GABRB3: variants seen among roughly 807,000 people sequenced by gnomAD.
GABRB3 encodes gamma-aminobutyric acid receptor subunit beta-3.
In GABRB3, 14 loss-of-function variants were observed where a neutral mutation model predicts 52.1. The ratio of observed to expected loss-of-function variants is 0.27; its 90% confidence interval spans 0.18 to 0.42. The LOEUF is 0.42. GABRB3 is among the 10% of genes least tolerant of loss of function. The pLI is 1.00. For synonymous variants in GABRB3, 260 were observed against 232.3 expected (o/e 1.12, Z -1.08); for missense variants, 307 against 609.1 (o/e 0.50, Z 5.22).
At chr15:26,668,743 A>G (rs1887795628) in intron 3 of GABRB3, among the ~76,000 whole-genome samples, 1 of 152,224 alleles carries the variant, frequency 6.6e-6, no homozygotes, top group Non-Finnish European at 1.5e-5. Flanking sequence ...TGACTATAAC[A>G]TCTGAGGAAG....
rs371341373 is a variant in GABRB3, at chr15:26,685,799, C to CTTT, written c.241-64268_241-64266dup. On this transcript the variant is annotated intron_variant, in intron 3 of 8. Transcript: ENST00000311550. ...GGACTGATCTCAGTAGTAAGATGGT[C>CTTT]TTTTTTTTTTTTTTTTTGCCCTAGA... is the stretch of plus-strand genomic sequence containing the variant. 4.3e-4 allele frequency among the ~76,000 whole-genome samples: 56 copies of CTTT among 131,190 alleles called. 1 individual carries two copies. The highest frequency in any genetic ancestry group is 4.1e-3 in the South Asian group (16 of 3,942). The allele number at this position is 131,190 out of a possible 152,430, so 86.1% of individuals were successfully genotyped here.
At chr15:26,591,050 A>G (rs1230716887) in intron 4 of GABRB3, among the ~76,000 whole-genome samples, 1 of 152,164 alleles carries the variant, frequency 6.6e-6, no homozygotes, top group African/African-American at 2.4e-5. Context: ...AGCAGGACTG[A>G]GGTGACCATT....
intron 4 of GABRB3, among the ~76,000 whole-genome samples, chr15:26,591,710 G>C (rs772524675): frequency 1.3e-5 from 2 of 152,156 alleles, no homozygotes; most frequent in Non-Finnish European, 2.9e-5. Flanking sequence ...AAAGTACTTT[G>C]AGTCACTCCA....
chr15:26,550,934 G>A (rs1889439820), intron 8 of GABRB3, among the ~76,000 whole-genome samples: 1 of 152,176 alleles, frequency 6.6e-6, no homozygotes, highest in Non-Finnish European at 1.5e-5. Context: ...TTTGCATTGT[G>A]CCTCAAAGAA....
intron 3 of GABRB3, among the ~76,000 whole-genome samples, chr15:26,746,589 T>G (rs1007716290): frequency 5.9e-5 from 9 of 151,994 alleles, no homozygotes; most frequent in Admixed American, 1.3e-4. Context: ...TTTGTTTTTT[T>G]TTTTTTTTGG....
chr15:26,721,395 G>T (rs1335915249), intron 3 of GABRB3, among the ~76,000 whole-genome samples: 1 of 151,904 alleles, frequency 6.6e-6, no homozygotes, highest in Admixed American at 6.6e-5. Flanking sequence ...CTCATCAATG[G>T]AGAGGCGCCC....
At chr15:26,681,303 CTAAATGCCTA>C in intron 3 of GABRB3, among the ~76,000 whole-genome samples, 1 of 152,268 alleles carries the variant, frequency 6.6e-6, no homozygotes, top group East Asian at 1.9e-4. Context: ...ATGCAAGTTT[CTAAATGCCTA>C]TTACTTTCCC....
At chr15:26,730,904 T>C (rs58000352) in intron 3 of GABRB3, among the ~76,000 whole-genome samples, 30,693 of 152,174 alleles carry the variant, frequency 0.2, 4,789 homozygotes, top group African/African-American at 0.43. Context: ...CTCACACATA[T>C]GCAGCACTTA....
chr15:26,578,154 T>C (rs1341940954), intron 6 of GABRB3, among the ~76,000 whole-genome samples: 1 of 152,246 alleles, frequency 6.6e-6, no homozygotes, highest in Non-Finnish European at 1.5e-5. Flanking sequence ...ACTAGTCACA[T>C]TCTTATTAAT....
chr15:26,615,658 T>C, intron 4 of GABRB3: 1 of 751,934 alleles, frequency 1.3e-6, no homozygotes, highest in Non-Finnish European at 1.7e-6. Flanking sequence ...GGACAGCTCA[T>C]CTACAGCCAA....
chr15:26,609,097 CACACAT>C (rs779919700), intron 4 of GABRB3, among the ~76,000 whole-genome samples: 878 of 56,390 alleles, frequency 0.016, 2 homozygotes, highest in East Asian at 0.059. Flanking sequence ...CACACACACA[CACACAT>C]ACACACACAC....
intron 6 of GABRB3, among the ~76,000 whole-genome samples, chr15:26,573,210 G>C (rs779257090): frequency 4.1e-4 from 63 of 152,222 alleles, no homozygotes; most frequent in Admixed American, 2.0e-3. Context: ...CTCTCACTTA[G>C]AGCCGTTCTG....
At chr15:26,744,319 C>A (rs970968296) in intron 3 of GABRB3, among the ~76,000 whole-genome samples, 4 of 152,080 alleles carry the variant, frequency 2.6e-5, no homozygotes, top group African/African-American at 9.7e-5. Flanking sequence ...AACTCCCATG[C>A]CTTTTGGTTT....
chr15:26,697,592 C>G (rs1171128117), intron 3 of GABRB3, among the ~76,000 whole-genome samples: 1 of 152,126 alleles, frequency 6.6e-6, no homozygotes, highest in African/African-American at 2.4e-5. Context: ...ATATGCCAGT[C>G]CATACCCACA....
Position 26,772,942 on chromosome 15 carries a change from T to C in GABRB3, c.21A>G (p.Gly7=). MWGLAG[G]RLFGIFSAPV... The stretch of plus-strand genomic sequence containing the variant: ...GGGCCGAGAAGATGCCGAAAAGCCT[T>C]CCTCCCGCAAGGCCCCACATCCCTC... The change falls in exon 1 of 9, where the codon GGA becomes GGG. Residue 7 remains glycine (G), a synonymous_variant. Coordinates refer to ENST00000311550, the MANE Select transcript of GABRB3 (RefSeq NM_000814.6). The C allele has an allele frequency of 1.4e-6, 2 of 1,477,880 alleles. No homozygotes were observed. The highest frequency in any genetic ancestry group is 1.8e-6 in the Non-Finnish European group (2 of 1,112,008). 91.5% of individuals were successfully genotyped at this position (1,477,880 alleles called of 1,614,324 possible).
At chr15:26,742,946 T>TTTTC (rs1890247980) in intron 3 of GABRB3, among the ~76,000 whole-genome samples, 1 of 134,498 alleles carries the variant, frequency 7.4e-6, no homozygotes, top group African/African-American at 2.6e-5. Context: ...TTTTTTTTTT[T>TTTTC]TGAGACAGAG....
chr15:26,604,684 G>A (rs1891713493), intron 4 of GABRB3, among the ~76,000 whole-genome samples: 1 of 152,048 alleles, frequency 6.6e-6, no homozygotes, highest in Non-Finnish European at 1.5e-5. Context: ...TCTCTTCAAT[G>A]TATGGTCCTG....
At chr15:26,580,230 T>A in intron 6 of GABRB3, 89 bp downstream of exon 6, 1 of 1,476,980 alleles carries the variant, frequency 6.8e-7, no homozygotes. Flanking sequence ...GATCCTGTGC[T>A]GTGAGTCTAT....
intron 3 of GABRB3, among the ~76,000 whole-genome samples, chr15:26,644,422 C>G (rs775084981): frequency 6.6e-6 from 1 of 152,170 alleles, no homozygotes; most frequent in African/African-American, 2.4e-5. Context: ...GAGACAGACA[C>G]GCACACAGAG....
Sources: gnomAD v4.1 joint callset for allele counts (sites outside exome capture counted in the v4.1 genomes callset) on GRCh38, gnomAD v4.1.1 for gene constraint, MANE v1.5 for transcripts, NCBI Gene and HGNC (gene_info 2026-07-23, HGNC 2026-07-21) for gene names.